The following ASTN2 variants were observed in gnomAD, a reference collection of about 807,000 sequenced individuals.
The protein encoded by ASTN2 is astrotactin-2.
In ASTN2, 54 loss-of-function variants were observed where a neutral mutation model predicts 139.8. The ratio of observed to expected loss-of-function variants is 0.39; its 90% confidence interval spans 0.31 to 0.48. The LOEUF (loss-of-function observed/expected upper bound fraction) is 0.48. Among genes scored for constraint, ASTN2 ranks in the 20% least tolerant of loss-of-function variants. The pLI is 0.95. For synonymous variants in ASTN2, 756 were observed against 719.5 expected (o/e 1.05, Z -0.81); for missense variants, 1,565 against 1,725.1 (o/e 0.91, Z 1.64).
In ASTN2 at chr9:116,797,902, C is replaced by G. The variant is rs1564272795; in HGVS notation, c.2396+7730G>C. Among the ~76,000 whole-genome samples the G allele has an allele frequency of 2.6e-5, 4 of 152,128 alleles. No individual in the cohort carries two copies. In the South Asian group the frequency reaches 8.3e-4, roughly 32 times the overall value. On this transcript the variant is annotated intron_variant, in intron 13 of 22. Coordinates refer to ENST00000313400, the MANE Select transcript of ASTN2 (RefSeq NM_001365068.1). ...AACAGACTGAGCATTGAAGGACTGG[C>G]TTATTCATTTATTAGTGATACAATT...
chr9:116,719,651 T>C (rs1436314369), intron 16 of ASTN2, among the ~76,000 whole-genome samples: 1 of 151,974 alleles, frequency 6.6e-6, no homozygotes, highest in East Asian at 1.9e-4. Context: ...AACTCATCAG[T>C]GTGGGGATTA....
At chr9:117,219,556 A>G (rs1832447349) in intron 2 of ASTN2, among the ~76,000 whole-genome samples, 1 of 152,204 alleles carries the variant, frequency 6.6e-6, no homozygotes, top group Admixed American at 6.5e-5. Flanking sequence ...ACTCCAGGGC[A>G]GCCCTAGGCA....
At chr9:116,932,211 C>T (rs1230209997) in intron 10 of ASTN2, among the ~76,000 whole-genome samples, 1 of 152,076 alleles carries the variant, frequency 6.6e-6, no homozygotes, top group African/African-American at 2.4e-5. Context: ...AAGCCCGGTG[C>T]CAGGTGGTGG....
intron 20 of ASTN2, among the ~76,000 whole-genome samples, chr9:116,462,788 ATGTGTGTGTGTGTGTGTGTGTGTGTGTG>A (rs55926547): frequency 2.1e-5 from 3 of 146,092 alleles, no homozygotes; most frequent in Non-Finnish European, 4.5e-5. Flanking sequence ...TTGGGTGAGC[ATGTGTGTGTGTGTGTGTGTGTGTGTGTG>A]TGTGTGTGTG....
intron 16 of ASTN2, among the ~76,000 whole-genome samples, chr9:116,713,859 A>G (rs1331635685): frequency 6.6e-6 from 1 of 152,198 alleles, no homozygotes; most frequent in Non-Finnish European, 1.5e-5. Context: ...CCTGGCATGT[A>G]GTGAATTCTC....
intron 2 of ASTN2, among the ~76,000 whole-genome samples, chr9:117,250,996 G>A (rs1406057709): frequency 1.3e-5 from 2 of 152,204 alleles, no homozygotes; most frequent in Non-Finnish European, 2.9e-5. Context: ...CAGAAGGGCT[G>A]AAGCAGGGAG....
intron 5 of ASTN2, among the ~76,000 whole-genome samples, chr9:117,071,011 G>C (rs1246490420): frequency 6.7e-6 from 1 of 148,854 alleles, no homozygotes; most frequent in Non-Finnish European, 1.5e-5. Context: ...CTCTCAGCTC[G>C]TCAAAGTCAT....
At chr9:116,731,355 C>A (rs1828779420) in intron 14 of ASTN2, among the ~76,000 whole-genome samples, 1 of 151,812 alleles carries the variant, frequency 6.6e-6, no homozygotes, top group Admixed American at 6.6e-5. Context: ...TATACATGAT[C>A]TTTATTTCTC....
chr9:117,111,942 G>A (rs1829260907), intron 4 of ASTN2, among the ~76,000 whole-genome samples: 1 of 151,902 alleles, frequency 6.6e-6, no homozygotes, highest in Admixed American at 6.5e-5. Flanking sequence ...ACTTTAGCAT[G>A]ATTGAAATAT....
chr9:116,954,640 A>G (rs1178066447), intron 10 of ASTN2, among the ~76,000 whole-genome samples: 1 of 150,230 alleles, frequency 6.7e-6, no homozygotes, highest in East Asian at 2.0e-4. Context: ...GGATGTAACT[A>G]TGTTCCAATA....
At chr9:116,600,856 G>A (rs1344677980) in intron 19 of ASTN2, among the ~76,000 whole-genome samples, 2 of 151,064 alleles carry the variant, frequency 1.3e-5, no homozygotes, top group Non-Finnish European at 2.9e-5. Flanking sequence ...CATCCCACCC[G>A]CCCCTCAATC....
At chr9:117,198,475 A>G (rs1366642051) in intron 3 of ASTN2, among the ~76,000 whole-genome samples, 3 of 152,080 alleles carry the variant, frequency 2.0e-5, no homozygotes, top group Non-Finnish European at 4.4e-5. Flanking sequence ...GGTTTGTTAC[A>G]TAGGTATATA....
Position 116,805,908 on chromosome 9 carries a change from C to A in ASTN2, c.2208-88G>T, listed in dbSNP as rs1262444955. ...CTAAAACCAAGGCCTCCTTTCCCTG[C>A]AAAACAGGTCAGAGTTTAGGAAGGA... On this transcript the variant is annotated intron_variant, in intron 12 of 22. Coordinates refer to ENST00000313400, the MANE Select transcript of ASTN2 (RefSeq NM_001365068.1). The A allele has an allele frequency of 4.6e-6, 6 of 1,315,678 alleles. No homozygotes were observed. In the East Asian group the frequency reaches 7.0e-5, roughly 15 times the overall value. 81.5% of individuals were successfully genotyped at this position (1,315,678 alleles called of 1,614,324 possible).
chr9:116,625,988 T>C (rs1028473387), intron 17 of ASTN2, among the ~76,000 whole-genome samples: 10 of 151,954 alleles, frequency 6.6e-5, no homozygotes, highest in African/African-American at 9.7e-5. Context: ...TTTGTGTTTT[T>C]TGTTTTTTTG....
chr9:117,411,121 G>C (rs550424398), intron 1 of ASTN2, among the ~76,000 whole-genome samples: 50 of 152,228 alleles, frequency 3.3e-4, no homozygotes, highest in Admixed American at 5.9e-4. Context: ...TTTGGATTAC[G>C]CGTTTGACCT....
intron 16 of ASTN2, among the ~76,000 whole-genome samples, chr9:116,665,305 A>G (rs1047790700): frequency 6.6e-6 from 1 of 152,226 alleles, no homozygotes; most frequent in Non-Finnish European, 1.5e-5. Context: ...TGTGGGCTAT[A>G]GCAAGTAAGC....
At chr9:116,703,673 G>A (rs927886663) in intron 16 of ASTN2, among the ~76,000 whole-genome samples, 2 of 150,768 alleles carry the variant, frequency 1.3e-5, no homozygotes, top group Admixed American at 6.6e-5. Flanking sequence ...ACATGTATAC[G>A]TATGTAACTA....
chr9:116,473,291 G>A (rs932398591), intron 20 of ASTN2, among the ~76,000 whole-genome samples: 2 of 152,192 alleles, frequency 1.3e-5, no homozygotes, highest in Non-Finnish European at 2.9e-5. Context: ...CAGGCCATAT[G>A]TTATGGATTT....
At chr9:116,567,242 A>C (rs1467553) in intron 19 of ASTN2, among the ~76,000 whole-genome samples, 143,433 of 152,314 alleles carry the variant, frequency 0.94, 67,603 homozygotes, top group African/African-American at 0.98. Flanking sequence ...ACTGTGATTT[A>C]CCTGAACGTG....
Sources: allele counts gnomAD v4.1 joint callset (sites outside exome capture counted in the v4.1 genomes callset), GRCh38; gene constraint gnomAD v4.1.1; transcripts MANE v1.5; gene names NCBI Gene and HGNC (gene_info 2026-07-23, HGNC 2026-07-21).